The following SIDT1 variants were observed in gnomAD, a reference collection of about 807,000 sequenced individuals.
SIDT1 encodes SID1 transmembrane family, member 1.
SIDT1 carries 101 observed loss-of-function variants against 107.5 expected under a neutral mutation model. The ratio of observed to expected loss-of-function variants is 0.94; its 90% CI spans 0.80 to 1.11. SIDT1 has a LOEUF of 1.11. Among genes scored for constraint, SIDT1 ranks in the 50% least tolerant of loss-of-function variants. The pLI is 0.00. For synonymous variants in SIDT1, 395 were observed against 398.2 expected (o/e 0.99, Z 0.10); for missense variants, 1,076 against 1,058.2 (o/e 1.02, Z -0.23).
chr3:113,609,566 T>C (rs1200871524), intron 17 of SIDT1, among the ~76,000 whole-genome samples: 1 of 152,186 alleles, frequency 6.6e-6, no homozygotes, highest in Admixed American at 6.5e-5. Context: ...ATTGAGTTAA[T>C]ATTGAGATGT....
intron 5 of SIDT1, among the ~76,000 whole-genome samples, chr3:113,581,022 G>T (rs1404282908): frequency 6.6e-6 from 1 of 152,154 alleles, no homozygotes; most frequent in Non-Finnish European, 1.5e-5. Context: ...AGCTAAAATT[G>T]AACCCTACCA....
intron 23 of SIDT1, among the ~76,000 whole-genome samples, chr3:113,623,951 C>T (rs1946662993): frequency 6.6e-6 from 1 of 152,218 alleles, no homozygotes; most frequent in Admixed American, 6.5e-5. Flanking sequence ...ACAGACATTG[C>T]AAACTTGGTC....
chr3:113,594,797 C>T (rs1944420778), intron 10 of SIDT1: 1 of 153,830 alleles, frequency 6.5e-6, no homozygotes, highest in East Asian at 1.9e-4. Context: ...AATCTCAAAC[C>T]TGCTTAATCA....
In SIDT1 at chr3:113,603,997, G is replaced by A. The variant is rs555089942; in HGVS notation, c.1301G>A (p.Arg434Gln). ...LYLSDLSRKD[R>Q]RIVSKKYKIY... Reference sequence around the variant, plus strand: ...CTGTCAGATTTGTCCAGGAAGGACCGGAGAATTGTCAGCAAAAAATATAAA... The same window carrying A: ...CTGTCAGATTTGTCCAGGAAGGACCAGAGAATTGTCAGCAAAAAATATAAA... Residue 434 changes from arginine (R) to glutamine (Q), a missense_variant, in exon 13 of 25, where the codon CGG (arginine) becomes CAG (glutamine). Arg to Gln is a conservative substitution (Grantham distance 43). Coordinates refer to ENST00000264852, the MANE Select transcript of SIDT1 (RefSeq NM_017699.3). The A allele has an allele frequency of 5.2e-5, 83 of 1,610,900 alleles. No homozygotes were observed. The East Asian group carries it at 6.2e-4, about 12-fold the overall frequency.
chr3:113,549,940 T>C (rs1940029026), intron 1 of SIDT1, among the ~76,000 whole-genome samples: 1 of 152,218 alleles, frequency 6.6e-6, no homozygotes, highest in Non-Finnish European at 1.5e-5. Context: ...TCTGTCTAGA[T>C]GGGAGGGATT....
intron 20 of SIDT1, 43 bp downstream of exon 20, chr3:113,616,219 C>A: frequency 6.8e-7 from 1 of 1,461,864 alleles, no homozygotes; most frequent in Non-Finnish European, 9.6e-7. Context: ...TCCCAGAAAG[C>A]AGGGGAATAG....
chr3:113,559,727 G>A (rs1220638144), intron 1 of SIDT1, among the ~76,000 whole-genome samples: 2 of 152,184 alleles, frequency 1.3e-5, no homozygotes, highest in Non-Finnish European at 2.9e-5. Flanking sequence ...TTACAGGCGT[G>A]AGCTACCACA....
intron 23 of SIDT1, among the ~76,000 whole-genome samples, chr3:113,624,247 C>A (rs1231881442): frequency 6.6e-6 from 1 of 152,220 alleles, no homozygotes; most frequent in Non-Finnish European, 1.5e-5. Flanking sequence ...TATGCATCAG[C>A]ATTCACTCCT....
chr3:113,596,158 C>A (rs1944531301), intron 10 of SIDT1, among the ~76,000 whole-genome samples: 1 of 152,174 alleles, frequency 6.6e-6, no homozygotes, highest in Non-Finnish European at 1.5e-5. Context: ...GGAAGAGGAT[C>A]CCACTAGACT....
At chr3:113,598,613 A>G (rs1230978599) in intron 10 of SIDT1, among the ~76,000 whole-genome samples, 4 of 152,212 alleles carry the variant, frequency 2.6e-5, no homozygotes, top group Admixed American at 2.6e-4. Flanking sequence ...ATCACTATCC[A>G]TCCACTATCT....
intron 4 of SIDT1, among the ~76,000 whole-genome samples, chr3:113,578,516 A>G (rs1368173939): frequency 6.6e-6 from 1 of 151,686 alleles, no homozygotes; most frequent in Non-Finnish European, 1.5e-5. Context: ...AACTACAGGA[A>G]CTGTATAGTC....
At chr3:113,552,625 G>A (rs1006500831) in intron 1 of SIDT1, among the ~76,000 whole-genome samples, 3 of 152,148 alleles carry the variant, frequency 2.0e-5, no homozygotes, top group Non-Finnish European at 4.4e-5. Context: ...GGAATGGTTT[G>A]CTTGGGGTTC....
At chr3:113,611,947 T>C (rs1945779818) in intron 18 of SIDT1, 139 bp from the exon 19 acceptor site, 4 of 618,582 alleles carry the variant, frequency 6.5e-6, no homozygotes, top group Non-Finnish European at 8.7e-6. Flanking sequence ...GTAAGATCCA[T>C]GGGAGTTTCC....
intron 3 of SIDT1, among the ~76,000 whole-genome samples, chr3:113,573,009 T>TC (rs1942596600): frequency 6.7e-6 from 1 of 149,346 alleles, no homozygotes; most frequent in African/African-American, 2.5e-5. Context: ...TTTTTTTTTT[T>TC]CTCTCTTAAT....
At chr3:113,556,785 T>C (rs1940901264) in intron 1 of SIDT1, among the ~76,000 whole-genome samples, 1 of 151,960 alleles carries the variant, frequency 6.6e-6, no homozygotes, top group South Asian at 2.1e-4. Context: ...TAAGTTAGTC[T>C]GTGGCTTCTG....
intron 1 of SIDT1, among the ~76,000 whole-genome samples, chr3:113,543,348 C>T (rs61187530): frequency 0.042 from 6,417 of 152,246 alleles, 257 homozygotes; most frequent in African/African-American, 0.11. Context: ...CAAAACCCTC[C>T]TCAGTTTTAA....
intron 1 of SIDT1, among the ~76,000 whole-genome samples, chr3:113,540,709 C>T (rs1938725381): frequency 6.6e-6 from 1 of 152,134 alleles, no homozygotes. Context: ...GTACCCCCTT[C>T]CCTCTCTTCC....
chr3:113,617,263 G>T (rs1052354582), intron 20 of SIDT1, among the ~76,000 whole-genome samples: 19 of 152,200 alleles, frequency 1.2e-4, no homozygotes, highest in African/African-American at 4.1e-4. Flanking sequence ...CAATGAGCAA[G>T]AATTTTTTAT....
Position 113,585,243 on chromosome 3 carries a change from T to C in SIDT1, c.974T>C (p.Leu325Pro). The C allele has an allele frequency of 6.2e-7, 1 of 1,613,384 alleles. No individual in the cohort carries two copies. Among genetic ancestry groups the C allele is most frequent in the Non-Finnish European group, 8.5e-7 (1 of 1,179,412 alleles). Residue 325 changes from leucine (L) to proline (P), a missense_variant, in exon 9 of 25, where the codon CTT becomes CCT. By Grantham distance (98) the Leu-to-Pro change is moderately conservative. Coordinates refer to ENST00000264852, the MANE Select transcript of SIDT1 (RefSeq NM_017699.3). ...TTCCTGTCCTTCTACTTGGGATGCC[T>C]TCTTGTTGGGTTTGTTCATTATCTG... ...FIFLSFYLGC[L>P]LVGFVHYLRF... is the part of the protein sequence containing the mutation.
Sources: allele counts gnomAD v4.1 joint callset (sites outside exome capture counted in the v4.1 genomes callset), GRCh38; gene constraint gnomAD v4.1.1; transcripts MANE v1.5; gene names NCBI Gene and HGNC (gene_info 2026-07-23, HGNC 2026-07-21).